The following PDS5A variants were observed in gnomAD, a reference collection of about 807,000 sequenced individuals.
PDS5A encodes PDS5 cohesin associated factor A.
In PDS5A, 42 loss-of-function variants were observed where a neutral mutation model predicts 167.1. That is an observed-to-expected ratio of 0.25 (90% CI 0.20 to 0.33). The LOEUF is 0.33. PDS5A is among the 10% of genes least tolerant of loss of function. The pLI, the probability that PDS5A is intolerant of heterozygous loss-of-function variation, is 1.00. For synonymous variants in PDS5A, 553 were observed against 554.6 expected (o/e 1.00, Z 0.04); for missense variants, 1,033 against 1,605.9 (o/e 0.64, Z 6.10).
chr4:39,840,552 C>T (rs553713426), intron 31 of PDS5A, among the ~76,000 whole-genome samples: 24 of 152,124 alleles, frequency 1.6e-4, no homozygotes, highest in African/African-American at 4.6e-4. Flanking sequence ...CACACCACCA[C>T]GCCCAGCTAA....
rs1723776081 is a variant in PDS5A, at chr4:39,910,246, G to C, written c.1085C>G (p.Thr362Arg). The change falls in exon 10 of 33, where the codon ACA becomes AGA. Residue 362 changes from threonine (T) to arginine (R), a missense_variant and splice_region_variant. Physicochemically the swap from Thr to Arg is moderately conservative, Grantham distance 71. Transcript: ENST00000303538. The stretch of plus-strand genomic sequence containing the variant: ...GTGTAATAAACCAGCTAGCTTACCT[G>C]TGAGATCCTTCGCTAAATCTGGGTG... ...MNHPDLAKDL[T>R]EYLKVRSHDP... The C allele has an allele frequency of 6.6e-7, 1 of 1,524,338 alleles. No homozygotes were observed. Among genetic ancestry groups the C allele is most frequent in the Non-Finnish European group, 9.0e-7 (1 of 1,105,472 alleles). 94.4% of individuals were successfully genotyped at this position (1,524,338 alleles called of 1,614,324 possible). A position where few individuals can be genotyped will look rare whatever the true frequency, so the allele number is the denominator to read the frequency against.
intron 9 of PDS5A, among the ~76,000 whole-genome samples, chr4:39,911,375 G>A (rs1320968726): frequency 1.4e-5 from 2 of 147,616 alleles, no homozygotes; most frequent in African/African-American, 2.5e-5. Context: ...CAGCCTGGGC[G>A]ATGAAGTAAG....
At chr4:39,942,363 C>T (rs1727302780) in intron 2 of PDS5A, among the ~76,000 whole-genome samples, 1 of 152,074 alleles carries the variant, frequency 6.6e-6, no homozygotes, top group Non-Finnish European at 1.5e-5. Context: ...TGAATATGTC[C>T]TAGAATTGCT....
At chr4:39,927,922 G>A in intron 3 of PDS5A, 39 bp downstream of exon 3, 4 of 1,389,710 alleles carry the variant, frequency 2.9e-6, no homozygotes, top group Non-Finnish European at 4.1e-6. Context: ...GAACAGTGGT[G>A]AATGAAAAAT....
At chr4:39,974,419 G>C in intron 2 of PDS5A, 2 of 327,524 alleles carry the variant, frequency 6.1e-6, no homozygotes, top group Non-Finnish European at 1.2e-5. Context: ...AAATATTAAC[G>C]ATCCATCAAT....
chr4:39,866,923 G>A lies in PDS5A; in HGVS notation c.2580C>T (p.Thr860=). Residue 860 remains threonine (T), a synonymous_variant, in exon 23 of 33, where the codon ACC becomes ACT. Coordinates refer to ENST00000303538, the MANE Select transcript of PDS5A (RefSeq NM_001100399.2). ...CCAACATCGCTGATAATAACCGAAG[G>A]GTTGAATTGGCAGATTTAGACTGGT... The part of the protein sequence containing the change: ...KNNQSKSANS[T]LRLLSAMLVS... The A allele has an allele frequency of 6.2e-7, 1 of 1,612,920 alleles. No homozygotes were observed. Among genetic ancestry groups the A allele is most frequent in the Admixed American group, 1.7e-5 (1 of 59,966 alleles).
rs1450391011 is a variant in PDS5A, at chr4:39,977,737, G to A, written c.-321C>T. On this transcript the variant is annotated 5_prime_UTR_variant, in exon 1 of 33. Coordinates refer to ENST00000303538, the MANE Select transcript of PDS5A (RefSeq NM_001100399.2). The surrounding 1 kb of genome is among the most constrained non-coding windows in gnomAD (Gnocchi z 4.2). ...CTCGAAGGCTCCTCCGGGAGTGTGT[G>A]CGCTTGTGTCCGTCCGGGACCCCCG... is the stretch of plus-strand genomic sequence containing the variant. 1 of 149,448 alleles carries A rather than the reference G, an allele frequency of 6.7e-6. No homozygotes were observed. The highest frequency in any genetic ancestry group is 1.5e-5 in the Non-Finnish European group (1 of 66,928). 9.3% of individuals were successfully genotyped at this position (149,448 alleles called of 1,614,324 possible).
At chr4:39,881,103 A>G (rs2109592971) in intron 17 of PDS5A, among the ~76,000 whole-genome samples, 1 of 152,046 alleles carries the variant, frequency 6.6e-6, no homozygotes, top group African/African-American at 2.4e-5. Flanking sequence ...ATGTCCTCCA[A>G]TGCCATTCAT....
intron 2 of PDS5A, among the ~76,000 whole-genome samples, chr4:39,962,159 G>A (rs1023292232): frequency 7.2e-5 from 11 of 152,052 alleles, no homozygotes; most frequent in Middle Eastern, 3.4e-3. Context: ...CCGGGTTCAC[G>A]GCATTCTCCT....
chr4:39,961,282 TC>T (rs1456400617), intron 2 of PDS5A, among the ~76,000 whole-genome samples: 2 of 152,138 alleles, frequency 1.3e-5, no homozygotes, highest in African/African-American at 4.8e-5. Context: ...AGAAATCTTT[TC>T]TTTCCTTTTA....
At chr4:39,941,202 TA>T (rs1727193893) in intron 2 of PDS5A, among the ~76,000 whole-genome samples, 1 of 149,256 alleles carries the variant, frequency 6.7e-6, no homozygotes, top group South Asian at 2.2e-4. Flanking sequence ...GCAATAGATT[TA>T]AAAATTTGTG....
intron 3 of PDS5A, 31 bp from the exon 4 acceptor site, chr4:39,926,892 C>T: frequency 7.4e-7 from 1 of 1,355,804 alleles, no homozygotes; most frequent in Admixed American, 3.6e-5. Flanking sequence ...TTAATTTAGA[C>T]ACAAATACTT....
intron 28 of PDS5A, chr4:39,848,541 T>C: frequency 3.2e-6 from 1 of 310,484 alleles, no homozygotes; most frequent in Non-Finnish European, 6.1e-6. Flanking sequence ...GTGCCAAAGA[T>C]TTAAAATTTT....
chr4:39,913,564 C>T (rs778930211), intron 9 of PDS5A, 47 bp downstream of exon 9: 1 of 1,012,486 alleles, frequency 9.9e-7, no homozygotes, highest in East Asian at 2.4e-5. Context: ...CTGCACCCTA[C>T]TGACTATTTT....
intron 2 of PDS5A, among the ~76,000 whole-genome samples, chr4:39,935,344 C>A (rs150985771): frequency 6.6e-6 from 1 of 152,202 alleles, no homozygotes; most frequent in African/African-American, 2.4e-5. Flanking sequence ...GTGATCTACC[C>A]GCCTTGGCCT....
At chr4:39,836,097 A>T (rs1716358449) in intron 32 of PDS5A, among the ~76,000 whole-genome samples, 1 of 152,198 alleles carries the variant, frequency 6.6e-6, no homozygotes, top group Admixed American at 6.5e-5. Context: ...TGTACTAGGC[A>T]CTTTGCTAGG....
intron 11 of PDS5A, among the ~76,000 whole-genome samples, chr4:39,907,739 A>C (rs1037140948): frequency 3.3e-5 from 5 of 151,966 alleles, no homozygotes; most frequent in Non-Finnish European, 7.4e-5. Flanking sequence ...GGTGCCCGCC[A>C]CCATGCTCAG....
At chr4:39,837,667 C>T in intron 32 of PDS5A, 189 bp downstream of exon 32, 1 of 487,338 alleles carries the variant, frequency 2.1e-6, no homozygotes, top group African/African-American at 2.0e-5. Flanking sequence ...AAAGATTTTT[C>T]TTCAAATTTG....
chr4:39,969,129 G>C (rs529543921), intron 2 of PDS5A, among the ~76,000 whole-genome samples: 1 of 152,248 alleles, frequency 6.6e-6, no homozygotes, highest in South Asian at 2.1e-4. Flanking sequence ...CTTCCACATA[G>C]CTAACTTTAG....
Sources: allele counts gnomAD v4.1 joint callset (sites outside exome capture counted in the v4.1 genomes callset), GRCh38; gene constraint gnomAD v4.1.1; non-coding constraint Gnocchi (gnomAD v3.1); transcripts MANE v1.5; gene names NCBI Gene and HGNC (gene_info 2026-07-23, HGNC 2026-07-21).